ANKRD31: variants seen among roughly 807,000 people sequenced by gnomAD.
ANKRD31 encodes ankyrin repeat domain-containing protein 31.
A neutral mutation model predicts 186.0 loss-of-function variants in ANKRD31; 147 were observed. That is an observed-to-expected ratio of 0.79 (90% CI 0.69 to 0.91). ANKRD31 has a LOEUF of 0.91. ANKRD31 is among the 40% of genes least tolerant of loss of function. The pLI is 0.00. For synonymous variants in ANKRD31, 673 were observed against 736.4 expected, an observed-to-expected ratio of 0.91 and a Z score of 1.39; for missense variants, 1,986 against 2,148.8, an observed-to-expected ratio of 0.92 and a Z score of 1.50.
At chr5:75,229,864 C>CAAAAAAAAAAAAAAAAAA (rs1210080751) in intron 2 of ANKRD31, among the ~76,000 whole-genome samples, 3 of 37,856 alleles carry the variant, frequency 7.9e-5, no homozygotes, top group African/African-American at 3.4e-4. Context: ...GACTCTGTCT[C>CAAAAAAAAAAAAAAAAAA]AAAAAAAAAA....
chr5:75,148,229 TGAA>T (rs1456743526), intron 13 of ANKRD31, among the ~76,000 whole-genome samples: 3 of 151,966 alleles, frequency 2.0e-5, no homozygotes, highest in African/African-American at 7.2e-5. Flanking sequence ...AAGTACTAGA[TGAA>T]GAGTAACTGC....
At chr5:75,111,033 G>T (rs1353714959) in intron 20 of ANKRD31, among the ~76,000 whole-genome samples, 3 of 151,540 alleles carry the variant, frequency 2.0e-5, no homozygotes, top group Admixed American at 6.6e-5. Context: ...GCAAAAAATT[G>T]GAAATCAAAT....
At chr5:75,190,695 A>C (rs899004972) in intron 9 of ANKRD31, among the ~76,000 whole-genome samples, 20 of 150,596 alleles carry the variant, frequency 1.3e-4, no homozygotes, top group African/African-American at 4.7e-4. Context: ...TTTTTCCCCC[A>C]GTTTAAAAAT....
intron 17 of ANKRD31, among the ~76,000 whole-genome samples, chr5:75,123,611 A>T (rs750503742): frequency 6.6e-5 from 10 of 152,114 alleles, no homozygotes; most frequent in Admixed American, 2.6e-4. Context: ...AAGGTAAAAG[A>T]ATAAAAGAAT....
At position 75,091,209 on chromosome 5, in the gene ANKRD31, T is replaced by G. The variant is rs536145056; in HGVS notation, c.5472+52A>C. 5.7e-5 allele frequency: 85 copies of G among 1,485,810 alleles called. No individual in the cohort carries two copies. In the African/African-American group the frequency reaches 1.1e-3, roughly 19 times the overall value. The allele number at this position is 1,485,810 out of a possible 1,614,324, so 92.0% of individuals were successfully genotyped here. On this transcript the variant is annotated intron_variant, in intron 23 of 25. Coordinates refer to ENST00000506364, the MANE Select transcript of ANKRD31 (RefSeq NM_001372053.1). The stretch of plus-strand genomic sequence containing the variant: ...AAAAAATACTTTCATCACAAAAATA[T>G]GTACTTTTCCATTTGAATATGAAGT...
intron 11 of ANKRD31, among the ~76,000 whole-genome samples, chr5:75,159,198 A>G (rs1292423456): frequency 6.6e-6 from 1 of 152,136 alleles, no homozygotes; most frequent in Non-Finnish European, 1.5e-5. Context: ...ACAGATTTTT[A>G]AAAGAATGAA....
At chr5:75,144,873 T>C (rs1444682348) in intron 14 of ANKRD31, among the ~76,000 whole-genome samples, 1 of 151,778 alleles carries the variant, frequency 6.6e-6, no homozygotes, top group Admixed American at 6.6e-5. Context: ...ATCCAGAATT[T>C]ACAAGGAACA....
chr5:75,093,665 A>G (rs1040100679), intron 22 of ANKRD31, among the ~76,000 whole-genome samples: 2 of 152,192 alleles, frequency 1.3e-5, no homozygotes, highest in African/African-American at 2.4e-5. Context: ...ATAACTCATC[A>G]TTTACAAGGG....
chr5:75,128,007 A>T (rs1749386154), intron 17 of ANKRD31, among the ~76,000 whole-genome samples: 1 of 152,226 alleles, frequency 6.6e-6, no homozygotes, highest in African/African-American at 2.4e-5. Flanking sequence ...AAATTATTTT[A>T]TCATGTCATA....
At chr5:75,219,227 T>C (rs111445611) in intron 3 of ANKRD31, among the ~76,000 whole-genome samples, 273 of 152,332 alleles carry the variant, frequency 1.8e-3, no homozygotes, top group African/African-American at 5.7e-3. Flanking sequence ...CATGCTTCTA[T>C]ATCTAGAAAA....
chr5:75,135,266 C>T (rs990484884), intron 17 of ANKRD31, among the ~76,000 whole-genome samples: 22 of 152,118 alleles, frequency 1.4e-4, no homozygotes, highest in Non-Finnish European at 2.9e-4. Flanking sequence ...ATTTAGGAAA[C>T]CCATCGTCTC....
chr5:75,114,873 C>A (rs577209000), intron 19 of ANKRD31, among the ~76,000 whole-genome samples: 1 of 152,184 alleles, frequency 6.6e-6, no homozygotes, highest in East Asian at 1.9e-4. Context: ...CATCAAGCTA[C>A]CAATGACTTT....
At chr5:75,209,272 A>G (rs892429788) in intron 4 of ANKRD31, among the ~76,000 whole-genome samples, 1 of 152,156 alleles carries the variant, frequency 6.6e-6, no homozygotes, top group Non-Finnish European at 1.5e-5. Context: ...TAATGTTGAC[A>G]TATTTTATTA....
At chr5:75,107,498 T>C in intron 21 of ANKRD31, 23 bp downstream of exon 21, 1 of 1,400,670 alleles carries the variant, frequency 7.1e-7, no homozygotes, top group Non-Finnish European at 9.6e-7. Context: ...AAAAGCACTC[T>C]TTTTTTTTCT....
chr5:75,149,933 C>T (rs905915160), intron 12 of ANKRD31, among the ~76,000 whole-genome samples: 1 of 151,862 alleles, frequency 6.6e-6, no homozygotes, highest in Non-Finnish European at 1.5e-5. Context: ...AAGAACAGGG[C>T]TTTATTTTCT....
intron 1 of ANKRD31, among the ~76,000 whole-genome samples, chr5:75,232,144 A>G (rs570025001): frequency 6.6e-6 from 1 of 152,354 alleles, no homozygotes; most frequent in African/African-American, 2.4e-5. Flanking sequence ...ATTATACCAT[A>G]GCTATAGTGC....
rs1206248106 is a variant in ANKRD31 at position 75,104,620 on chromosome 5, T to C, written c.4939A>G (p.Thr1647Ala). The C allele has an allele frequency of 1.3e-6, 2 of 1,536,440 alleles. No individual in the cohort carries two copies. The highest frequency in any genetic ancestry group is 1.4e-5 in the African/African-American group (1 of 73,000). The change falls in exon 22 of 26, where the codon ACT becomes GCT. Residue 1647 changes from threonine to alanine, a missense_variant. Physicochemically the swap from Thr to Ala is moderately conservative, Grantham distance 58. Coordinates refer to ENST00000506364, the MANE Select transcript of ANKRD31 (RefSeq NM_001372053.1). ...GCATTTTCGGCAAGGACACTTGCAG[T>C]TTCTGAAATATTTAATTTGCCGATT... ...PVIGKLNISE[T>A]ASVLAENAAH...
At chr5:75,124,823 G>T (rs1358331933) in intron 17 of ANKRD31, among the ~76,000 whole-genome samples, 1 of 152,096 alleles carries the variant, frequency 6.6e-6, no homozygotes, top group Admixed American at 6.6e-5. Flanking sequence ...AGAAGGGTAG[G>T]GGGTGGGAGG....
At chr5:75,196,490 CA>C (rs1427170813) in intron 6 of ANKRD31, among the ~76,000 whole-genome samples, 1 of 152,154 alleles carries the variant, frequency 6.6e-6, no homozygotes, top group African/African-American at 2.4e-5. Context: ...TCTGTGCTAA[CA>C]GAAGAAGCAG....
Sources: allele counts gnomAD v4.1 joint callset (sites outside exome capture counted in the v4.1 genomes callset), GRCh38; gene constraint gnomAD v4.1.1; transcripts MANE v1.5; gene names NCBI Gene and HGNC (gene_info 2026-07-23, HGNC 2026-07-21).